The following AK9 variants were observed in gnomAD, a reference collection of about 807,000 sequenced individuals.
AK9 encodes the protein adenylate kinase 9.
In AK9, 191 loss-of-function variants were observed where a neutral mutation model predicts 239.6. That is an observed-to-expected ratio of 0.80 (90% confidence interval 0.71 to 0.90). The LOEUF (loss-of-function observed/expected upper bound fraction) is 0.90. Among genes scored for constraint, AK9 ranks in the 40% least tolerant of loss-of-function variants. The pLI is 0.00. For missense variants in AK9, 1,995 were observed against 2,214.7 expected (o/e 0.90, Z 1.99); for synonymous variants, 689 against 721.0 (o/e 0.96, Z 0.71).
chr6:109,626,040 CCT>C (rs1795492135), intron 12 of AK9, among the ~76,000 whole-genome samples: 1 of 151,930 alleles, frequency 6.6e-6, no homozygotes, highest in African/African-American at 2.4e-5. Flanking sequence ...TTTTTTTCTC[CCT>C]CTGTTTTTCA....
intron 29 of AK9, among the ~76,000 whole-genome samples, chr6:109,524,160 G>A (rs1286829815): frequency 1.3e-5 from 2 of 152,022 alleles, no homozygotes; most frequent in Non-Finnish European, 2.9e-5. Context: ...GAAATCTCAG[G>A]AGAGAAATAG....
intron 5 of AK9, among the ~76,000 whole-genome samples, chr6:109,667,764 G>A (rs954741753): frequency 9.2e-5 from 14 of 152,188 alleles, no homozygotes; most frequent in Non-Finnish European, 1.8e-4. Context: ...AGTATTGCAT[G>A]ATGTATATGT....
At chr6:109,638,601 T>G (rs1188120574) in intron 10 of AK9, among the ~76,000 whole-genome samples, 1 of 152,148 alleles carries the variant, frequency 6.6e-6, no homozygotes, top group Admixed American at 6.5e-5. Flanking sequence ...CACCTCAGCC[T>G]CTCAAGTAGC....
At chr6:109,634,969 GA>G (rs1796534539) in intron 10 of AK9, among the ~76,000 whole-genome samples, 1 of 152,222 alleles carries the variant, frequency 6.6e-6, no homozygotes, top group Non-Finnish European at 1.5e-5. Flanking sequence ...GTGCCGAAGG[GA>G]GAAGAGAAGA....
At chr6:109,544,472 T>C (rs1283302770) in intron 26 of AK9, among the ~76,000 whole-genome samples, 1 of 152,090 alleles carries the variant, frequency 6.6e-6, no homozygotes, top group Non-Finnish European at 1.5e-5. Flanking sequence ...ATTACCCCCT[T>C]GGTACTGTCA....
chr6:109,640,584 T>G (rs904783962), intron 10 of AK9, among the ~76,000 whole-genome samples: 1 of 152,058 alleles, frequency 6.6e-6, no homozygotes, highest in African/African-American at 2.4e-5. Flanking sequence ...CCAATTTTTT[T>G]TTTTTTTTAT....
At chr6:109,586,672 A>G (rs1789543623) in intron 17 of AK9, among the ~76,000 whole-genome samples, 1 of 152,078 alleles carries the variant, frequency 6.6e-6, no homozygotes, top group Non-Finnish European at 1.5e-5. Context: ...GAGAGCTAAA[A>G]GGTACTGAGA....
chr6:109,660,918 C>T (rs1800334443), intron 6 of AK9: 1 of 501,200 alleles, frequency 2.0e-6, no homozygotes. Context: ...AGATTGCTAG[C>T]CTTTAACCAG....
intron 15 of AK9, 144 bp from the exon 16 acceptor site, chr6:109,612,237 G>T: frequency 1.8e-6 from 1 of 570,526 alleles, no homozygotes; most frequent in South Asian, 2.4e-5. Flanking sequence ...ACATTTAAAT[G>T]GGTAAATATA....
At chr6:109,546,744 A>G (rs1213481736) in intron 25 of AK9, among the ~76,000 whole-genome samples, 1 of 152,180 alleles carries the variant, frequency 6.6e-6, no homozygotes, top group Non-Finnish European at 1.5e-5. Context: ...GGGGAAGGAG[A>G]AAAATTAGAA....
chr6:109,531,500 G>A (rs1781251294), intron 28 of AK9, among the ~76,000 whole-genome samples: 1 of 152,050 alleles, frequency 6.6e-6, no homozygotes, highest in South Asian at 2.1e-4. Flanking sequence ...CAGTACAACA[G>A]CCACTAGCTG....
chr6:109,655,799 T>C (rs528900444), intron 8 of AK9, among the ~76,000 whole-genome samples: 16 of 152,308 alleles, frequency 1.1e-4, no homozygotes, highest in Admixed American at 8.5e-4. Flanking sequence ...GATACTTTTA[T>C]TGAAGGAAGA....
rs143163534 is a variant in AK9 at position 109,555,120 on chromosome 6, A to G, written c.2752-4818T>C. 2.8e-3 allele frequency among the ~76,000 whole-genome samples: 423 copies of G among 152,178 alleles called. 1 individual carries two copies. The highest frequency in any genetic ancestry group is 9.7e-3 in the African/African-American group (404 of 41,504). On this transcript the variant is annotated intron_variant, in intron 24 of 40. Coordinates refer to ENST00000424296, the MANE Select transcript of AK9 (RefSeq NM_001145128.3). Reference sequence around the variant, plus strand: ...TGTGATGTTAGGGTGTCGATTTGAGATCTTTCTAGCTTTCTGATGTGGGCA... The same window carrying G: ...TGTGATGTTAGGGTGTCGATTTGAGGTCTTTCTAGCTTTCTGATGTGGGCA...
intron 26 of AK9, among the ~76,000 whole-genome samples, chr6:109,545,295 G>A (rs1236867597): frequency 6.6e-6 from 1 of 152,118 alleles, no homozygotes; most frequent in Non-Finnish European, 1.5e-5. Flanking sequence ...ACCAAAACTA[G>A]CTGGGCATGG....
In AK9 at chr6:109,550,294, A is replaced by G. The variant is rs749428552; in HGVS notation, c.2760T>C (p.Asp920=). The change falls in exon 25 of 41, where the codon GAT becomes GAC. Residue 920 remains aspartate, a synonymous_variant. Transcript: ENST00000424296. ...LEEEEEEEGE[D]KMKERKRHLG... ...AATGCCTCTTTCTCTCCTTCATTTT[A>G]TCTTCACCCTAGAAACGGTATTCAA... The G allele has an allele frequency of 7.5e-6, 12 of 1,609,358 alleles. No homozygotes were observed. The highest frequency in any genetic ancestry group is 1.6e-4 in the Middle Eastern group (1 of 6,082).
chr6:109,682,325 G>A (rs1488968600), intron 1 of AK9, among the ~76,000 whole-genome samples: 1 of 150,710 alleles, frequency 6.6e-6, no homozygotes, highest in African/African-American at 2.5e-5. Context: ...CACTTGGGAG[G>A]CTGAGGCAGG....
At chr6:109,596,905 C>A (rs1384568772) in intron 17 of AK9, among the ~76,000 whole-genome samples, 6 of 152,122 alleles carry the variant, frequency 3.9e-5, no homozygotes, top group Non-Finnish European at 8.8e-5. Flanking sequence ...TTTAGTTCTT[C>A]ATTCAACCTT....
At chr6:109,621,912 AC>A (rs368310401) in intron 12 of AK9, among the ~76,000 whole-genome samples, 1,306 of 37,050 alleles carry the variant, frequency 0.035, 49 homozygotes, top group East Asian at 0.086. Context: ...AAAAAAAAAA[AC>A]AAAAAAAAAA....
Position 109,619,226 on chromosome 6 carries a change from T to G in AK9, c.1265A>C (p.Tyr422Ser). 2 of 1,545,264 alleles carry G rather than the reference T, an allele frequency of 1.3e-6. No homozygotes were observed. The highest frequency in any genetic ancestry group is 1.7e-6 in the Non-Finnish European group (2 of 1,145,120). ...AENYKGKVVD[Y>S]AQLVQPRFDK... ...AAAACGTGGCTGAACAAGTTGGGCA[T>G]AGTCGACTACCTGCAAAGAATATTT... The change falls in exon 13 of 41, where the codon TAT (tyrosine) becomes TCT (serine). Residue 422 changes from tyrosine (Y) to serine (S), a missense_variant. Coordinates refer to ENST00000424296, the MANE Select transcript of AK9 (RefSeq NM_001145128.3).
Sources: allele counts gnomAD v4.1 joint callset (sites outside exome capture counted in the v4.1 genomes callset), GRCh38; gene constraint gnomAD v4.1.1; transcripts MANE v1.5; gene names NCBI Gene and HGNC (gene_info 2026-07-23, HGNC 2026-07-21).